Variants in GAR1 observed in about 807,000 individuals in gnomAD.
The protein encoded by GAR1 is H/ACA ribonucleoprotein complex subunit 1.
GAR1 carries 11 observed loss-of-function variants against 29.3 expected under a neutral mutation model. That is an observed-to-expected ratio of 0.38 (90% CI 0.24 to 0.62). The LOEUF is 0.62. Ranked by LOEUF, GAR1 falls within the 20% of genes least tolerant of loss-of-function variation. The pLI, the probability that GAR1 is intolerant of heterozygous loss-of-function variation, is 0.62. For synonymous variants in GAR1, 87 were observed against 93.3 expected (o/e 0.93, Z 0.39); for missense variants, 237 against 268.4 (o/e 0.88, Z 0.82).
rs1283418585 is a variant in GAR1 at position 109,816,205 on chromosome 4, G to T, written c.41G>T (p.Gly14Val). 6.2e-7 allele frequency: 1 copy of T among 1,612,590 alleles called. No individual in the cohort carries two copies. Among genetic ancestry groups the T allele is most frequent in the Non-Finnish European group, 8.5e-7 (1 of 1,179,910 alleles). The change falls in exon 2 of 7, where the codon GGT (glycine) becomes GTT (valine). Residue 14 changes from glycine (G) to valine (V), a missense_variant. Coordinates refer to ENST00000226796, the MANE Select transcript of GAR1 (RefSeq NM_018983.4). Reference sequence around the variant, plus strand: ...GGAGGTCGTGGAGGCTTTAATCGAGGTGGTGGAGGTGGCGGCTTCAACCGA... The same window carrying T: ...GGAGGTCGTGGAGGCTTTAATCGAGTTGGTGGAGGTGGCGGCTTCAACCGA... ...RGGGRGGFNR[G>V]GGGGGFNRGG... is the part of the protein sequence containing the mutation.
At position 109,815,798 on chromosome 4, in the gene GAR1, G is replaced by T; in HGVS notation, c.-19G>T. ...CAAGGCCAGGGCCAGAGGGGCACGT[G>T]GCGCCGGTGAGTGGCCGTAGAAGCC... is the stretch of plus-strand genomic sequence containing the variant. On this transcript the variant is annotated 5_prime_UTR_variant, in exon 1 of 7. Coordinates refer to ENST00000226796, the MANE Select transcript of GAR1 (RefSeq NM_018983.4). The T allele has an allele frequency of 3.7e-6, 1 of 270,984 alleles. No homozygotes were observed. The highest frequency in any genetic ancestry group is 7.0e-6 in the Non-Finnish European group (1 of 142,040). The allele number at this position is 270,984 out of a possible 1,614,324, so 16.8% of individuals were successfully genotyped here.
Position 109,815,824 on chromosome 4 carries a change from G to C in GAR1, c.-13+20G>C, listed in dbSNP as rs920408663. 1.6e-5 allele frequency: 5 copies of C among 314,490 alleles called. No homozygotes were observed. The highest frequency in any genetic ancestry group is 1.4e-4 in the Admixed American group (3 of 21,112). The allele number at this position is 314,490 out of a possible 1,614,324, so 19.5% of individuals were successfully genotyped here. ...GCGCCGGTGAGTGGCCGTAGAAGCC[G>C]GAGGATTTGAAAATGCTGGACGTGG... On this transcript the variant is annotated intron_variant, in intron 1 of 6. Transcript: ENST00000226796.
intron 4 of GAR1, 28 bp from the exon 5 acceptor site, chr4:109,822,319 A>G: frequency 2.2e-6 from 3 of 1,349,490 alleles, no homozygotes; most frequent in Non-Finnish European, 3.1e-6. Flanking sequence ...CCCAAGTTGT[A>G]TACTAATTGC....
Position 109,819,325 on chromosome 4 carries a change from A to T in GAR1, c.429+265A>T. ...AGAGTAAGAGTTTTTTGTTTATGTA[A>T]AACTCTCTTATTGAAAAGCTTTCAT... On this transcript the variant is annotated intron_variant, in intron 4 of 6. Transcript: ENST00000226796. The T allele has an allele frequency of 1.1e-5, 5 of 439,678 alleles. No individual in the cohort carries two copies. In the South Asian group the frequency reaches 1.4e-4, roughly 12 times the overall value. The allele number at this position is 439,678 out of a possible 1,614,324, so 27.2% of individuals were successfully genotyped here.
intron 1 of GAR1, 147 bp from the exon 2 acceptor site, chr4:109,816,006 G>A (rs1733338112): frequency 2.6e-6 from 2 of 773,150 alleles, no homozygotes; most frequent in East Asian, 4.9e-5. Context: ...CACCCATCAG[G>A]TTGGTGGTCA....
intron 5 of GAR1, among the ~76,000 whole-genome samples, chr4:109,823,503 G>A (rs1168613255): frequency 6.6e-6 from 1 of 151,924 alleles, no homozygotes; most frequent in Non-Finnish European, 1.5e-5. Context: ...TACTTATGTA[G>A]CTCAGTTAAT....
chr4:109,818,857 G>A (rs1733427001), intron 3 of GAR1, 144 bp from the exon 4 acceptor site: 3 of 548,566 alleles, frequency 5.5e-6, no homozygotes, highest in Admixed American at 6.7e-5. Flanking sequence ...GAGCCACCAC[G>A]CCCAGCCCCT....
chr4:109,819,238 T>C (rs1733442297), intron 4 of GAR1, 178 bp downstream of exon 4: 1 of 627,060 alleles, frequency 1.6e-6, no homozygotes, highest in East Asian at 3.0e-5. Flanking sequence ...ATTTATTTGA[T>C]ACAGCCTTTA....
intron 4 of GAR1, among the ~76,000 whole-genome samples, chr4:109,820,030 G>A (rs1344654018): frequency 1.3e-5 from 2 of 152,142 alleles, no homozygotes; most frequent in African/African-American, 4.8e-5. Context: ...TGCTTCAAAA[G>A]AATACTGGGA....
Position 109,822,479 on chromosome 4 carries a change from G to T in GAR1, c.562G>T (p.Gly188Cys). 1 of 1,600,976 alleles carries T rather than the reference G, an allele frequency of 6.2e-7. No homozygotes were observed. The change falls in exon 5 of 7, where the codon GGC (glycine) becomes TGC (cysteine). Residue 188 changes from glycine to cysteine, a missense_variant. Transcript: ENST00000226796. Reference protein sequence around the residue: ...GGRGGGGRGGGRGGGFRGGRG... With the variant: ...GGRGGGGRGGCRGGGFRGGRG... ...AAGAGGAGGAGGTGGCAGAGGTGGTGGCAGAGGCGGTAAGTTACTTGGGGA... is the reference window on the plus strand; with the variant it reads ...AAGAGGAGGAGGTGGCAGAGGTGGTTGCAGAGGCGGTAAGTTACTTGGGGA...
At position 109,822,453 on chromosome 4, in the gene GAR1, G is replaced by A. The variant is rs1218437784; in HGVS notation, c.536G>A (p.Gly179Glu). The change falls in exon 5 of 7, where the codon GGA (glycine) becomes GAA (glutamate). Residue 179 changes from glycine to glutamate, a missense_variant. Transcript: ENST00000226796. Reference sequence around the variant, plus strand: ...GGTGGCAGGGGAGGCCGAGGAGGAGGAAGAGGAGGAGGTGGCAGAGGTGGT... The same window carrying A: ...GGTGGCAGGGGAGGCCGAGGAGGAGAAAGAGGAGGAGGTGGCAGAGGTGGT... ...RGGGRGGRGG[G>E]RGGGGRGGGR... 1 of 1,606,516 alleles carries A rather than the reference G, an allele frequency of 6.2e-7. No homozygotes were observed. The highest frequency in any genetic ancestry group is 1.7e-5 in the Admixed American group (1 of 59,522).
At chr4:109,824,331 T>TG in intron 6 of GAR1, 87 bp from the exon 7 acceptor site, 1 of 887,346 alleles carries the variant, frequency 1.1e-6, no homozygotes, top group Non-Finnish European at 1.9e-6. Flanking sequence ...TTGGAACTAA[T>TG]GCTGATTTTA....
At chr4:109,818,937 A>G in intron 3 of GAR1, 64 bp from the exon 4 acceptor site, 1 of 739,736 alleles carries the variant, frequency 1.4e-6, no homozygotes, top group Non-Finnish European at 2.4e-6. Flanking sequence ...TTATACATGA[A>G]TTCAGAACAT....
At chr4:109,821,084 G>T (rs1408106984) in intron 4 of GAR1, among the ~76,000 whole-genome samples, 2 of 152,084 alleles carry the variant, frequency 1.3e-5, no homozygotes, top group Non-Finnish European at 2.9e-5. Context: ...CATACCCCCT[G>T]CTATGTTGAG....
chr4:109,819,185 T>G (rs765059278), intron 4 of GAR1, 125 bp downstream of exon 4: 1 of 736,550 alleles, frequency 1.4e-6, no homozygotes, highest in Admixed American at 2.0e-5. Flanking sequence ...TAAATTGAAA[T>G]GTTCCATGCT....
In GAR1 at chr4:109,824,606, C is replaced by G; in HGVS notation, c.*175C>G. ...GTGCAACGGAATAGTGAATTTTGCT[C>G]TAAAAGAGCATGAACAAGTCTTTCT... On this transcript the variant is annotated 3_prime_UTR_variant, in exon 7 of 7. Coordinates refer to ENST00000226796, the MANE Select transcript of GAR1 (RefSeq NM_018983.4). The G allele has an allele frequency of 1.7e-6, 1 of 588,606 alleles. No individual in the cohort carries two copies. Among genetic ancestry groups the G allele is most frequent in the Non-Finnish European group, 3.1e-6 (1 of 324,998 alleles). The allele number at this position is 588,606 out of a possible 1,614,324, so 36.5% of individuals were successfully genotyped here.
chr4:109,816,905 A>G (rs1449601890), intron 2 of GAR1, among the ~76,000 whole-genome samples: 3 of 152,254 alleles, frequency 2.0e-5, no homozygotes, highest in Non-Finnish European at 2.9e-5. Flanking sequence ...TCAAAAGTAG[A>G]TAAGTGAGAA....
chr4:109,820,747 A>T (rs1160142580), intron 4 of GAR1, among the ~76,000 whole-genome samples: 1 of 152,148 alleles, frequency 6.6e-6, no homozygotes, highest in Non-Finnish European at 1.5e-5. Context: ...CCCGGGAGCC[A>T]GAATGGATTA....
chr4:109,819,815 A>G (rs1322665243), intron 4 of GAR1, among the ~76,000 whole-genome samples: 5 of 152,248 alleles, frequency 3.3e-5, no homozygotes, highest in Non-Finnish European at 7.3e-5. Context: ...GCAGTCTCTG[A>G]GAGCAGGCAA....
Sources: allele counts gnomAD v4.1 joint callset (sites outside exome capture counted in the v4.1 genomes callset), GRCh38; gene constraint gnomAD v4.1.1; transcripts MANE v1.5; gene names NCBI Gene and HGNC (gene_info 2026-07-23, HGNC 2026-07-21).